The following USP37 variants were observed in gnomAD, a reference collection of about 807,000 sequenced individuals.
USP37 encodes ubiquitin specific peptidase 37.
A neutral mutation model predicts 124.0 loss-of-function variants in USP37; 27 were observed. The ratio of observed to expected loss-of-function variants is 0.22; its 90% CI spans 0.16 to 0.30. The LOEUF is 0.30. Ranked by LOEUF, USP37 falls within the 10% of genes least tolerant of loss-of-function variation. USP37 has a pLI of 1.00. For missense variants in USP37, 889 were observed against 1,140.4 expected (o/e 0.78, Z 3.17); for synonymous variants, 365 against 388.0 (o/e 0.94, Z 0.70).
At chr2:218,531,782 G>A (rs1043793925) in intron 9 of USP37, among the ~76,000 whole-genome samples, 1 of 152,216 alleles carries the variant, frequency 6.6e-6, no homozygotes, top group African/African-American at 2.4e-5. Context: ...TAACCTTGAG[G>A]GTTCAAGACA....
chr2:218,455,947 G>A (rs1689677122), intron 24 of USP37, among the ~76,000 whole-genome samples: 1 of 152,172 alleles, frequency 6.6e-6, no homozygotes, highest in Non-Finnish European at 1.5e-5. Flanking sequence ...TCAGGAGGCT[G>A]AGGCAGGAGG....
chr2:218,488,537 C>T (rs1192524732), intron 14 of USP37, 116 bp from the exon 15 acceptor site: 4 of 633,356 alleles, frequency 6.3e-6, no homozygotes, highest in Non-Finnish European at 1.1e-5. Context: ...TATCACCAGG[C>T]ATAAGAACTA....
chr2:218,528,838 A>AAAAAAAAAAC, intron 10 of USP37: 1 of 396,500 alleles, frequency 2.5e-6, no homozygotes, highest in Non-Finnish European at 4.3e-6. Flanking sequence ...AAAAAAAAAA[A>AAAAAAAAAAC]AAAGAGCTTA....
chr2:218,458,093 A>G (rs1689796196), intron 23 of USP37, among the ~76,000 whole-genome samples: 1 of 150,784 alleles, frequency 6.6e-6, no homozygotes, highest in Admixed American at 6.6e-5. Context: ...GGGGGAAGGA[A>G]TATGGCTATA....
At chr2:218,531,796 G>A (rs1221196295) in intron 9 of USP37, among the ~76,000 whole-genome samples, 2 of 152,256 alleles carry the variant, frequency 1.3e-5, no homozygotes, top group African/African-American at 4.8e-5. Flanking sequence ...CAAGACATCA[G>A]TGGAGATGCA....
intron 15 of USP37, among the ~76,000 whole-genome samples, chr2:218,487,453 G>A (rs766619634): frequency 2.0e-5 from 3 of 151,236 alleles, no homozygotes; most frequent in Non-Finnish European, 4.4e-5. Flanking sequence ...ACGGAGTCTC[G>A]TTCTGTCGCC....
chr2:218,455,840 G>C (rs1689670051), intron 24 of USP37, 122 bp from the exon 25 acceptor site: 1 of 1,019,070 alleles, frequency 9.8e-7, no homozygotes, highest in African/African-American at 1.6e-5. Flanking sequence ...GAGGTCAGGA[G>C]TTTGAGACCA....
chr2:218,543,661 A>C (rs1368236827), intron 8 of USP37, among the ~76,000 whole-genome samples: 2 of 151,430 alleles, frequency 1.3e-5, no homozygotes, highest in Non-Finnish European at 2.9e-5. Context: ...AAATACAAAA[A>C]ATAAATTAGC....
intron 11 of USP37, 170 bp from the exon 12 acceptor site, chr2:218,498,327 T>C (rs1574886882): frequency 3.6e-6 from 2 of 552,874 alleles, no homozygotes. Flanking sequence ...TGGACACAAA[T>C]GTGTCCAAAA....
At chr2:218,514,515 C>G (rs1053802736) in intron 10 of USP37, 5 of 140,748 alleles carry the variant, frequency 3.6e-5, no homozygotes, top group African/African-American at 1.3e-4. Context: ...ACATTGTGAC[C>G]TCCTCAGTGC....
At chr2:218,565,533 G>A (rs554133680) in intron 1 of USP37, among the ~76,000 whole-genome samples, 3 of 152,248 alleles carry the variant, frequency 2.0e-5, no homozygotes, top group South Asian at 2.1e-4. Flanking sequence ...GTTGGAAAAC[G>A]TTTTGTTTTT....
chr2:218,481,927 T>C, intron 17 of USP37, 143 bp downstream of exon 17: 1 of 980,808 alleles, frequency 1.0e-6, no homozygotes, highest in Non-Finnish European at 1.4e-6. Context: ...GTGCTGGGAT[T>C]ACAGGCATGA....
intron 5 of USP37, among the ~76,000 whole-genome samples, chr2:218,551,423 C>T (rs1170290448): frequency 2.0e-5 from 3 of 152,192 alleles, no homozygotes; most frequent in African/African-American, 7.2e-5. Flanking sequence ...TTTACATTTA[C>T]GAGCTCTCAT....
At chr2:218,560,175 T>C (rs1693237554) in intron 3 of USP37, among the ~76,000 whole-genome samples, 1 of 152,232 alleles carries the variant, frequency 6.6e-6, no homozygotes. Context: ...TCAAATTTTA[T>C]ACTATTTCAA....
chr2:218,555,893 C>A (rs1018097995), intron 4 of USP37, among the ~76,000 whole-genome samples: 4 of 152,170 alleles, frequency 2.6e-5, no homozygotes, highest in African/African-American at 7.2e-5. Context: ...AGATAATTTT[C>A]TCTCACACCT....
At position 218,474,615 on chromosome 2, in the gene USP37, C is replaced by T; in HGVS notation, c.2299+15G>A. On this transcript the variant is annotated intron_variant, in intron 20 of 25. Coordinates refer to ENST00000258399, the MANE Select transcript of USP37 (RefSeq NM_020935.3). Reference sequence around the variant, plus strand: ...ATGTTTTGTTTCACAGAGGTTTAATCTTCATTAAACCTACCCAGCTCTGTG... The same window carrying T: ...ATGTTTTGTTTCACAGAGGTTTAATTTTCATTAAACCTACCCAGCTCTGTG... 1 of 1,611,990 alleles carries T rather than the reference C, an allele frequency of 6.2e-7. No individual in the cohort carries two copies.
In USP37 at chr2:218,459,896, T is replaced by C; in HGVS notation, c.2537A>G (p.Asn846Ser). 2 of 1,612,278 alleles carry C rather than the reference T, an allele frequency of 1.2e-6. No homozygotes were observed. Among genetic ancestry groups the C allele is most frequent in the East Asian group, 4.5e-5 (2 of 44,808 alleles). The change falls in exon 23 of 26, where the codon AAC becomes AGC. Residue 846 changes from asparagine (N) to serine (S), a missense_variant. Asn to Ser is a conservative substitution (Grantham distance 46). Around this residue, in one of 3 missense-constraint regions of USP37, gnomAD observed 504 missense variants for 714.3 expected, o/e 0.71. Transcript: ENST00000258399. ...ATELSLQEFN[N>S]SFVDALGSDE... ...AGAACCCAATGCATCCACAAAGGAG[T>C]TGTTAAACTCTGAAGAATACAAAGA...
chr2:218,492,514 C>T (rs1195155341), intron 14 of USP37, among the ~76,000 whole-genome samples: 3 of 152,128 alleles, frequency 2.0e-5, no homozygotes, highest in East Asian at 3.9e-4. Context: ...AAATGGATTG[C>T]TTTGGCTTAT....
At chr2:218,458,130 T>C (rs1215601178) in intron 23 of USP37, among the ~76,000 whole-genome samples, 2 of 149,416 alleles carry the variant, frequency 1.3e-5, no homozygotes, top group East Asian at 3.9e-4. Flanking sequence ...AAAATGTTCA[T>C]AAACTTCGAT....
Sources: allele counts gnomAD v4.1 joint callset (sites outside exome capture counted in the v4.1 genomes callset), GRCh38; gene constraint gnomAD v4.1.1; regional missense constraint gnomAD v4.1.1; transcripts MANE v1.5; gene names NCBI Gene and HGNC (gene_info 2026-07-23, HGNC 2026-07-21).